Variants in PRKAR1B observed in about 807,000 individuals in gnomAD.
PRKAR1B encodes protein kinase cAMP-dependent type I regulatory subunit beta.
PRKAR1B carries 22 observed loss-of-function variants against 46.5 expected under a neutral mutation model. The observed-to-expected ratio is 0.47, with a 90% CI of 0.34 to 0.68. The LOEUF (loss-of-function observed/expected upper bound fraction) is 0.68. Among genes scored for constraint, PRKAR1B ranks in the 30% least tolerant of loss-of-function variants. The pLI, the probability that PRKAR1B is intolerant of heterozygous loss-of-function variation, is 0.01. For missense variants in PRKAR1B, 445 were observed against 535.6 expected (o/e 0.83, Z 1.67); for synonymous variants, 259 against 217.7 (o/e 1.19, Z -1.67).
At chr7:572,720 G>T (rs531254616) in intron 9 of PRKAR1B, among the ~76,000 whole-genome samples, 2 of 152,338 alleles carry the variant, frequency 1.3e-5, no homozygotes, top group Admixed American at 1.3e-4. Flanking sequence ...GAGAGCCGAG[G>T]GGAGCAGGAG....
At chr7:567,422 CA>C (rs746678970) in intron 9 of PRKAR1B, among the ~76,000 whole-genome samples, 1 of 145,846 alleles carries the variant, frequency 6.9e-6, no homozygotes, top group Non-Finnish European at 1.5e-5. Flanking sequence ...TCATCATCAC[CA>C]TCATCACCAT....
chr7:557,440 C>A (rs1011977355), intron 9 of PRKAR1B, among the ~76,000 whole-genome samples: 1 of 152,370 alleles, frequency 6.6e-6, no homozygotes, highest in African/African-American at 2.4e-5. Flanking sequence ...CTCTCCCTAG[C>A]TGATACACCA....
intron 4 of PRKAR1B, among the ~76,000 whole-genome samples, chr7:675,294 T>C (rs1786515557): frequency 1.3e-5 from 2 of 152,196 alleles, no homozygotes; most frequent in Admixed American, 6.5e-5. Context: ...CAGAGAACAA[T>C]GCGTCTAGTG....
At chr7:562,711 G>A (rs1210925490) in intron 9 of PRKAR1B, among the ~76,000 whole-genome samples, 1 of 152,148 alleles carries the variant, frequency 6.6e-6, no homozygotes, top group Non-Finnish European at 1.5e-5. Flanking sequence ...CAACCAATCT[G>A]CCCATCATAG....
chr7:715,443 C>T (rs1401421532), intron 1 of PRKAR1B, among the ~76,000 whole-genome samples: 1 of 152,056 alleles, frequency 6.6e-6, no homozygotes, highest in Non-Finnish European at 1.5e-5. Context: ...GGTGACAAAC[C>T]CTGACGTGTG....
chr7:723,118 T>C lies in PRKAR1B; in HGVS notation c.-23+4092A>G, dbSNP rs112696205. Among the ~76,000 whole-genome samples the C allele has an allele frequency of 1.5e-3, 229 of 152,270 alleles. 1 individual carries two copies. The highest frequency in any genetic ancestry group is 5.3e-3 in the African/African-American group (219 of 41,552). On this transcript the variant is annotated intron_variant, in intron 1 of 10. Coordinates refer to ENST00000537384, the MANE Select transcript of PRKAR1B (RefSeq NM_001164760.2). Reference sequence around the variant, plus strand: ...CAGAACATGCTCGTTCTGGGTCTCTTTGTGCTAAGAGAGGAAGGGCAGATT... The same window carrying C: ...CAGAACATGCTCGTTCTGGGTCTCTCTGTGCTAAGAGAGGAAGGGCAGATT...
At chr7:682,897 C>A (rs985266497) in intron 2 of PRKAR1B, among the ~76,000 whole-genome samples, 3 of 152,214 alleles carry the variant, frequency 2.0e-5, no homozygotes, top group African/African-American at 7.2e-5. Context: ...GTGCGGCCCC[C>A]AACCCCTCAC....
intron 1 of PRKAR1B, among the ~76,000 whole-genome samples, chr7:725,319 C>A (rs1781219796): frequency 6.6e-6 from 1 of 152,078 alleles, no homozygotes; most frequent in African/African-American, 2.4e-5. Context: ...AAATTACACA[C>A]ATTCTGCCTT....
intron 2 of PRKAR1B, among the ~76,000 whole-genome samples, chr7:688,328 C>A (rs536129929): frequency 6.6e-6 from 1 of 151,262 alleles, no homozygotes; most frequent in East Asian, 1.9e-4. Context: ...TTGCTTGATC[C>A]GGGAGGTGGA....
intron 4 of PRKAR1B, among the ~76,000 whole-genome samples, chr7:631,896 G>A (rs1213266779): frequency 6.6e-6 from 1 of 152,008 alleles, no homozygotes; most frequent in African/African-American, 2.4e-5. Flanking sequence ...GATTGAGGCT[G>A]CATAGAGCTG....
At chr7:691,713 G>A (rs1779438334) in intron 2 of PRKAR1B, 2 of 1,255,854 alleles carry the variant, frequency 1.6e-6, no homozygotes, top group Non-Finnish European at 2.1e-6. Flanking sequence ...GCTCCTCGTG[G>A]ACAAAACCCC....
chr7:609,645 AATTCT>A (rs1298118163), intron 4 of PRKAR1B, among the ~76,000 whole-genome samples: 1 of 152,252 alleles, frequency 6.6e-6, no homozygotes, highest in African/African-American at 2.4e-5. Flanking sequence ...ACCCTTTCAC[AATTCT>A]ATTCTCCCTC....
intron 2 of PRKAR1B, among the ~76,000 whole-genome samples, chr7:699,774 G>A (rs1472492341): frequency 6.6e-6 from 1 of 152,194 alleles, no homozygotes; most frequent in African/African-American, 2.4e-5. Flanking sequence ...AGGCAAGCAG[G>A]AGCCAGACCC....
intron 9 of PRKAR1B, among the ~76,000 whole-genome samples, chr7:558,221 G>A (rs887706569): frequency 2.6e-5 from 4 of 151,332 alleles, no homozygotes; most frequent in African/African-American, 9.7e-5. Flanking sequence ...AGCTACTCAG[G>A]AGGCTGAGGT....
In PRKAR1B at chr7:573,905, G is replaced by A. The variant is rs147564270; in HGVS notation, c.891+5351C>T. On this transcript the variant is annotated intron_variant, in intron 9 of 10. Transcript: ENST00000537384. ...TGACCCCGGCGTGGATGTGGAGGGC[G>A]TGGCTGGCAGAATCCCCCCGCCGGG... Among the ~76,000 whole-genome samples, 553 of 152,342 alleles carry A rather than the reference G, an allele frequency of 3.6e-3. 4 individuals carry two copies. Among genetic ancestry groups the A allele is most frequent in the African/African-American group, 0.013 (528 of 41,584 alleles).
At chr7:612,875 T>A (rs1176150016) in intron 4 of PRKAR1B, among the ~76,000 whole-genome samples, 1 of 152,186 alleles carries the variant, frequency 6.6e-6, no homozygotes, top group Non-Finnish European at 1.5e-5. Context: ...TGTGTAATAA[T>A]ATTCACCGAA....
In PRKAR1B at chr7:550,273, T is replaced by G. The variant is rs1784097457; in HGVS notation, c.*157A>C. ...GGAAATGCACAAGGTGATCATTTAT[T>G]CCAAAAAGTGAGTCCGGGGAAGGGG... On this transcript the variant is annotated 3_prime_UTR_variant, in exon 11 of 11. Coordinates refer to ENST00000537384, the MANE Select transcript of PRKAR1B (RefSeq NM_001164760.2). 7 of 622,122 alleles carry G rather than the reference T, an allele frequency of 1.1e-5. 1 individual carries two copies. In the South Asian group the frequency reaches 1.2e-4, roughly 10 times the overall value. 38.5% of individuals were successfully genotyped at this position (622,122 alleles called of 1,614,324 possible).
chr7:581,175 C>T (rs1238372087), intron 8 of PRKAR1B, among the ~76,000 whole-genome samples: 4 of 151,908 alleles, frequency 2.6e-5, no homozygotes, highest in East Asian at 1.9e-4. Flanking sequence ...TGGTGGCGGG[C>T]GCCTGTAGTC....
At chr7:635,960 G>A (rs1416374561) in intron 4 of PRKAR1B, among the ~76,000 whole-genome samples, 3 of 116,182 alleles carry the variant, frequency 2.6e-5, no homozygotes, top group South Asian at 2.8e-4. Flanking sequence ...CACCGGCCGC[G>A]CCCTCACGTC....
Sources: gnomAD v4.1 joint callset for allele counts (sites outside exome capture counted in the v4.1 genomes callset) on GRCh38, gnomAD v4.1.1 for gene constraint, MANE v1.5 for transcripts, NCBI Gene and HGNC (gene_info 2026-07-23, HGNC 2026-07-21) for gene names.